NME7: variants seen among roughly 807,000 people sequenced by gnomAD.
NME7 encodes NME/NM23 family member 7.
Under a neutral mutation model 49.1 loss-of-function variants are expected in NME7, and 41 were observed. That is an observed-to-expected ratio of 0.83 (90% CI 0.65 to 1.08). The LOEUF is 1.08. Among genes scored for constraint, NME7 ranks in the 50% least tolerant of loss-of-function variants. The probability of loss-of-function intolerance (pLI) is 0.00; values close to 1 mark genes in which losing one functional copy is unlikely to be tolerated. For synonymous variants in NME7, 139 were observed against 150.6 expected (o/e 0.92, Z 0.56); for missense variants, 423 against 463.4 (o/e 0.91, Z 0.80).
At chr1:169,255,464 C>T (rs1179559703) in intron 7 of NME7, among the ~76,000 whole-genome samples, 13 of 116,708 alleles carry the variant, frequency 1.1e-4, no homozygotes, top group Non-Finnish European at 1.9e-4. Context: ...TGTCTCTGCA[C>T]GTGAGATGGG....
chr1:169,323,205 T>G lies in NME7; in HGVS notation c.190A>C (p.Asn64His). ...TGTCGAGAAAAGACATTCACTTTGTTGCCTATAAATAAATCTTCCAAGTGC... is the reference window on the plus strand; with the variant it reads ...TGTCGAGAAAAGACATTCACTTTGTGGCCTATAAATAAATCTTCCAAGTGC... The part of the protein sequence containing the change: ...NLHLEDLFIG[N>H]KVNVFSRQLV... The change falls in exon 3 of 12, where the codon AAC becomes CAC. Residue 64 changes from asparagine (N) to histidine (H), a missense_variant. Physicochemically the swap from Asn to His is moderately conservative, Grantham distance 68. Transcript: ENST00000367811. The G allele has an allele frequency of 6.2e-7, 1 of 1,608,310 alleles. No homozygotes were observed. The highest frequency in any genetic ancestry group is 8.5e-7 in the Non-Finnish European group (1 of 1,177,452).
chr1:169,215,030 C>A (rs543908485), intron 10 of NME7, among the ~76,000 whole-genome samples: 2 of 152,274 alleles, frequency 1.3e-5, no homozygotes, highest in East Asian at 3.9e-4. Context: ...TTGTCTGGTG[C>A]CCAAGAAGAA....
chr1:169,164,489 A>T (rs1442989422), intron 11 of NME7, among the ~76,000 whole-genome samples: 1 of 152,212 alleles, frequency 6.6e-6, no homozygotes, highest in Non-Finnish European at 1.5e-5. Flanking sequence ...TAGGGCAGGT[A>T]CTGTTATCTT....
intron 10 of NME7, among the ~76,000 whole-genome samples, chr1:169,216,629 T>C (rs962039235): frequency 6.6e-6 from 1 of 152,214 alleles, no homozygotes; most frequent in African/African-American, 2.4e-5. Context: ...AATTTATTTA[T>C]AGCAAGTCAG....
chr1:169,346,624 T>C (rs898420519), intron 1 of NME7, among the ~76,000 whole-genome samples: 7 of 152,216 alleles, frequency 4.6e-5, no homozygotes, highest in Non-Finnish European at 8.8e-5. Context: ...TTATTTACCT[T>C]CAAATATAAT....
intron 10 of NME7, among the ~76,000 whole-genome samples, chr1:169,196,509 A>G (rs1048397383): frequency 6.6e-6 from 1 of 152,218 alleles, no homozygotes; most frequent in Non-Finnish European, 1.5e-5. Context: ...ATTGTCTGAC[A>G]CATAAAAAGC....
intron 11 of NME7, among the ~76,000 whole-genome samples, chr1:169,151,089 T>C (rs532411865): frequency 1.8e-4 from 27 of 152,286 alleles, no homozygotes; most frequent in African/African-American, 6.0e-4. Flanking sequence ...CTAACATTGG[T>C]TGACTGCTGG....
chr1:169,201,914 T>C (rs1172082541), intron 10 of NME7, among the ~76,000 whole-genome samples: 1 of 151,976 alleles, frequency 6.6e-6, no homozygotes, highest in Non-Finnish European at 1.5e-5. Context: ...AAAGTTCAGG[T>C]TGAAAACAGA....
chr1:169,278,475 G>A (rs184915950), intron 7 of NME7, among the ~76,000 whole-genome samples: 6 of 152,014 alleles, frequency 3.9e-5, no homozygotes, highest in South Asian at 2.1e-4. Context: ...CCAGTTGATC[G>A]CATCGACTCC....
chr1:169,182,509 G>A (rs1345449995), intron 10 of NME7, among the ~76,000 whole-genome samples: 1 of 152,084 alleles, frequency 6.6e-6, no homozygotes, highest in Non-Finnish European at 1.5e-5. Context: ...TTGTTACCAA[G>A]TCACACAGAT....
At chr1:169,161,098 CCT>C (rs1659230234) in intron 11 of NME7, among the ~76,000 whole-genome samples, 7 of 152,150 alleles carry the variant, frequency 4.6e-5, no homozygotes, top group Admixed American at 4.6e-4. Context: ...GTGCTATTCC[CCT>C]GAGTAAAACA....
In NME7 at chr1:169,310,077, C is replaced by T. The variant is rs561995524; in HGVS notation, c.282G>A (p.Thr94=). ...TTGCATCTGGTTTAATTAGGGCTAGCGTTCTATAAGGAAACAAAAAATAAG... is the reference window on the plus strand; with the variant it reads ...TTGCATCTGGTTTAATTAGGGCTAGTGTTCTATAAGGAAACAAAAAATAAG... ...ARQLGSRKEK[T]LALIKPDAIS... The change falls in exon 4 of 12, where the codon ACG becomes ACA. Residue 94 remains threonine, a synonymous_variant. Coordinates refer to ENST00000367811, the MANE Select transcript of NME7 (RefSeq NM_013330.5). 98 of 1,575,562 alleles carry T rather than the reference C, an allele frequency of 6.2e-5. No individual in the cohort carries two copies. In the East Asian group the frequency reaches 1.9e-3, roughly 30 times the overall value.
chr1:169,235,439 T>G (rs1209630491), intron 8 of NME7, among the ~76,000 whole-genome samples: 1 of 152,062 alleles, frequency 6.6e-6, no homozygotes, highest in Non-Finnish European at 1.5e-5. Flanking sequence ...ACAACCACCT[T>G]ACTGCATAGG....
At chr1:169,226,301 C>CA in intron 10 of NME7, among the ~76,000 whole-genome samples, 1 of 152,134 alleles carries the variant, frequency 6.6e-6, no homozygotes, top group African/African-American at 2.4e-5. Flanking sequence ...ATACATTCTT[C>CA]AAAAAACAAA....
At chr1:169,302,371 T>C (rs1243696939) in intron 5 of NME7, 1 of 151,910 alleles carries the variant, frequency 6.6e-6, no homozygotes, top group African/African-American at 2.4e-5. Context: ...CCATCAGTGG[T>C]GAACTGGATA....
rs533551632 is a variant in NME7 at position 169,264,943 on chromosome 1, T to A, written c.754+22360A>T. ...TAGGGAGGCCTCAGGAAACTTACAATCATGGCAGAAGGGGAAGCAAACATG... is the reference window on the plus strand; with the variant it reads ...TAGGGAGGCCTCAGGAAACTTACAAACATGGCAGAAGGGGAAGCAAACATG... On this transcript the variant is annotated intron_variant, in intron 7 of 11. Coordinates refer to ENST00000367811, the MANE Select transcript of NME7 (RefSeq NM_013330.5). Among the ~76,000 whole-genome samples the A allele has an allele frequency of 5.2e-5, 7 of 133,398 alleles. 2 individuals are homozygous for A. Among genetic ancestry groups the A allele is most frequent in the African/African-American group, 7.6e-5 (3 of 39,538 alleles). The allele number at this position is 133,398 out of a possible 152,430, so 87.5% of individuals were successfully genotyped here. A position where few individuals can be genotyped will look rare whatever the true frequency, so the allele number is the denominator to read the frequency against.
At chr1:169,167,033 T>C (rs1177253481) in intron 11 of NME7, among the ~76,000 whole-genome samples, 2 of 152,182 alleles carry the variant, frequency 1.3e-5, no homozygotes, top group Admixed American at 6.5e-5. Context: ...AGAACACTTT[T>C]GTAAAGTATA....
intron 1 of NME7, among the ~76,000 whole-genome samples, chr1:169,357,251 C>G (rs1281988279): frequency 2.6e-5 from 4 of 151,738 alleles, no homozygotes; most frequent in African/African-American, 7.3e-5. Context: ...CTTTTTTCTT[C>G]CTCCAAGACT....
intron 7 of NME7, among the ~76,000 whole-genome samples, chr1:169,261,613 C>T (rs1649165279): frequency 7.5e-6 from 1 of 133,294 alleles, no homozygotes; most frequent in Admixed American, 7.4e-5. Flanking sequence ...CCATAGTGAA[C>T]AAACTAGGAA....
Sources: gnomAD v4.1 joint callset for allele counts (sites outside exome capture counted in the v4.1 genomes callset) on GRCh38, gnomAD v4.1.1 for gene constraint, MANE v1.5 for transcripts, NCBI Gene and HGNC (gene_info 2026-07-23, HGNC 2026-07-21) for gene names.